TMEM40: variants seen among roughly 807,000 people sequenced by gnomAD.
TMEM40 encodes the protein transmembrane protein 40.
A neutral mutation model predicts 40.8 loss-of-function variants in TMEM40; 34 were observed. The observed-to-expected ratio is 0.83, with a 90% CI of 0.63 to 1.11. The LOEUF (loss-of-function observed/expected upper bound fraction) is 1.11, where lower values mean the gene tolerates loss of function less well. Ranked by LOEUF, TMEM40 falls within the 50% of genes least tolerant of loss-of-function variation. TMEM40 has a pLI of 0.00. For missense variants in TMEM40, 296 were observed against 280.2 expected (o/e 1.06, Z -0.40); for synonymous variants, 106 against 107.0 (o/e 0.99, Z 0.06).
chr3:12,761,452 A>G (rs1168300476), upstream of TMEM40, among the ~76,000 whole-genome samples: 3 of 152,092 alleles, frequency 2.0e-5, no homozygotes, highest in Non-Finnish European at 4.4e-5. Context: ...TGAAAATACA[A>G]AAAATTAGCT....
Position 12,748,547 on chromosome 3 carries a change from A to G in TMEM40, c.211+108T>C. Reference sequence around the variant, plus strand: ...TCGGCTCTAGAAGAGAATGTGGAGAAACGGTATTGGAGTTTCAAGTACTTC... The same window carrying G: ...TCGGCTCTAGAAGAGAATGTGGAGAGACGGTATTGGAGTTTCAAGTACTTC... On this transcript the variant is annotated intron_variant, in intron 3 of 11. Transcript: ENST00000314124. The G allele has an allele frequency of 2.1e-6, 3 of 1,431,344 alleles. No homozygotes were observed. In the African/African-American group the frequency reaches 4.2e-5, roughly 20 times the overall value. The allele number at this position is 1,431,344 out of a possible 1,614,324, so 88.7% of individuals were successfully genotyped here.
chr3:12,748,671 TGAA>T lies in TMEM40; in HGVS notation c.192_194del (p.Ser70del). The stretch of plus-strand genomic sequence containing the variant: ...CTGCTATACCTGAGGAGGAGGAGGA[TGAA>T]GAAGATGAGGAGGATGAGGAGGAAG... On this transcript the variant is annotated inframe_deletion, in exon 3 of 12. Transcript: ENST00000314124. The T allele has an allele frequency of 3.1e-6, 5 of 1,612,020 alleles. No individual in the cohort carries two copies. Among genetic ancestry groups the T allele is most frequent in the Non-Finnish European group, 4.2e-6 (5 of 1,178,638 alleles).
intron 1 of TMEM40, among the ~76,000 whole-genome samples, chr3:12,767,126 G>A (rs2106625415): frequency 6.6e-6 from 1 of 152,310 alleles, no homozygotes; most frequent in South Asian, 2.1e-4. Context: ...TGAATTTTGT[G>A]GGACACCTTG....
chr3:12,738,299 T>C, intron 6 of TMEM40, 131 bp from the exon 7 acceptor site: 1 of 1,091,834 alleles, frequency 9.2e-7, no homozygotes, highest in Non-Finnish European at 1.4e-6. Flanking sequence ...CACGGTATCC[T>C]TCTCTCTATT....
chr3:12,736,513 G>C, intron 10 of TMEM40, 65 bp downstream of exon 10: 1 of 1,518,922 alleles, frequency 6.6e-7, no homozygotes, highest in Non-Finnish European at 8.9e-7. Context: ...GTATGAAAAT[G>C]AATATTTCTA....
At chr3:12,755,878 G>T (rs1026324532) in intron 1 of TMEM40, among the ~76,000 whole-genome samples, 2 of 152,216 alleles carry the variant, frequency 1.3e-5, no homozygotes, top group African/African-American at 4.8e-5. Flanking sequence ...AAATGAAACA[G>T]CTTTCACTGA....
upstream of TMEM40, among the ~76,000 whole-genome samples, chr3:12,762,914 A>G (rs2061579025): frequency 6.6e-6 from 1 of 152,190 alleles, no homozygotes; most frequent in Non-Finnish European, 1.5e-5. Flanking sequence ...CTGTAATCCC[A>G]GCACTTTGGG....
rs750975825 is a variant in TMEM40 at position 12,738,534 on chromosome 3, C to T, written c.391+19G>A. On this transcript the variant is annotated intron_variant, in intron 6 of 11. Coordinates refer to ENST00000314124, the MANE Select transcript of TMEM40 (RefSeq NM_018306.4). Reference sequence around the variant, plus strand: ...CAATACCAGCACCAACGACCTCTCTCCTCTAACTGGACACTCACCTGATTC... The same window carrying T: ...CAATACCAGCACCAACGACCTCTCTTCTCTAACTGGACACTCACCTGATTC... 1.9e-6 allele frequency: 3 copies of T among 1,613,920 alleles called. No individual in the cohort carries two copies. Among genetic ancestry groups the T allele is most frequent in the Admixed American group, 3.3e-5 (2 of 60,014 alleles).
chr3:12,751,432 A>T (rs1316712695), intron 1 of TMEM40, among the ~76,000 whole-genome samples: 1 of 150,814 alleles, frequency 6.6e-6, no homozygotes, highest in Non-Finnish European at 1.5e-5. Context: ...CAGGCGCCAC[A>T]CCATGCTTGG....
intron 1 of TMEM40, among the ~76,000 whole-genome samples, chr3:12,765,280 T>G (rs1335502302): frequency 6.6e-6 from 1 of 152,222 alleles, no homozygotes; most frequent in Non-Finnish European, 1.5e-5. Context: ...AGAAAAATCC[T>G]TTTGACAAAT....
chr3:12,758,501 G>T (rs1387195823), intron 1 of TMEM40, among the ~76,000 whole-genome samples: 3 of 152,114 alleles, frequency 2.0e-5, no homozygotes, highest in African/African-American at 7.2e-5. Context: ...GTGGGTGGGG[G>T]GAGCTCTGAG....
chr3:12,765,469 A>G (rs148088797), intron 1 of TMEM40, among the ~76,000 whole-genome samples: 1 of 152,316 alleles, frequency 6.6e-6, no homozygotes, highest in African/African-American at 2.4e-5. Flanking sequence ...GAGGGCAGCA[A>G]TACAAACAAA....
intron 1 of TMEM40, among the ~76,000 whole-genome samples, chr3:12,755,170 TTCTC>T (rs1175496952): frequency 4.0e-5 from 6 of 148,204 alleles, no homozygotes; most frequent in East Asian, 1.9e-4. Flanking sequence ...CTTTCTTTCT[TTCTC>T]TCTCTCTCCT....
chr3:12,759,402 C>T (rs2061554259), upstream of TMEM40: 1 of 152,522 alleles, frequency 6.6e-6, no homozygotes, highest in African/African-American at 2.4e-5. Context: ...TCTGACTTGA[C>T]TCTTCCCTAC....
chr3:12,740,120 G>A (rs529291258), intron 5 of TMEM40, among the ~76,000 whole-genome samples: 1 of 149,178 alleles, frequency 6.7e-6, no homozygotes, highest in East Asian at 2.0e-4. Flanking sequence ...TTGAGACAGA[G>A]TCTCACTGTG....
At chr3:12,750,736 C>T (rs2061469292) in intron 1 of TMEM40, among the ~76,000 whole-genome samples, 1 of 152,166 alleles carries the variant, frequency 6.6e-6, no homozygotes, top group African/African-American at 2.4e-5. Context: ...GCACGTGCCA[C>T]TGTGGCCAGC....
At chr3:12,767,679 G>C (rs905055143) in intron 1 of TMEM40, among the ~76,000 whole-genome samples, 8 of 152,180 alleles carry the variant, frequency 5.3e-5, no homozygotes, top group Non-Finnish European at 7.3e-5. Flanking sequence ...GCTCTGAGCA[G>C]GGGCCCCAGA....
chr3:12,748,839 C>T (rs1162929335), intron 2 of TMEM40, 47 bp from the exon 3 acceptor site: 1 of 1,576,410 alleles, frequency 6.3e-7, no homozygotes, highest in East Asian at 2.2e-5. Flanking sequence ...CCACCCTTCC[C>T]ACCCCAGGGA....
Position 12,745,504 on chromosome 3 carries a change from A to G in TMEM40, c.212-1515T>C, listed in dbSNP as rs189669432. Among the ~76,000 whole-genome samples, 17 of 152,350 alleles carry G rather than the reference A, an allele frequency of 1.1e-4. No homozygotes were observed. The East Asian group carries it at 2.1e-3, about 19-fold the overall frequency. On this transcript the variant is annotated intron_variant, in intron 3 of 11. Transcript: ENST00000314124. ...CACTCTGTCATCAAGGCCGAAGTGCAGTGGTACAATCAGGGCTTACTGTAG... is the reference window on the plus strand; with the variant it reads ...CACTCTGTCATCAAGGCCGAAGTGCGGTGGTACAATCAGGGCTTACTGTAG...
Sources: gnomAD v4.1 joint callset for allele counts (sites outside exome capture counted in the v4.1 genomes callset) on GRCh38, gnomAD v4.1.1 for gene constraint, MANE v1.5 for transcripts, NCBI Gene and HGNC (gene_info 2026-07-23, HGNC 2026-07-21) for gene names.